DHX8: variants seen among roughly 807,000 people sequenced by gnomAD.
DHX8 encodes the protein DEAH-box helicase 8.
A neutral mutation model predicts 140.7 loss-of-function variants in DHX8; 67 were observed. The ratio of observed to expected loss-of-function variants is 0.48; its 90% CI spans 0.39 to 0.58. The LOEUF (loss-of-function observed/expected upper bound fraction) is 0.58, where lower values mean the gene tolerates loss of function less well. DHX8 is among the 20% of genes least tolerant of loss of function. The probability of loss-of-function intolerance (pLI) is 0.00; values close to 1 mark genes in which losing one functional copy is unlikely to be tolerated. For synonymous variants in DHX8, 533 were observed against 553.2 expected (o/e 0.96, Z 0.51); for missense variants, 887 against 1,550.7 (o/e 0.57, Z 7.19).
Position 43,524,415 on chromosome 17 carries a change from A to C in DHX8, c.*568A>C, listed in dbSNP as rs945626687. 1 of 988,910 alleles carries C rather than the reference A, an allele frequency of 1.0e-6. No homozygotes were observed. Among genetic ancestry groups the C allele is most frequent in the Admixed American group, 5.9e-5 (1 of 16,938 alleles). 61.3% of individuals were successfully genotyped at this position (988,910 alleles called of 1,614,324 possible). On this transcript the variant is annotated 3_prime_UTR_variant, in exon 23 of 23. Transcript: ENST00000262415. ...ATTTAGTATCTGTGCTCTGGCACAC[A>C]TGATGAGAATCCCCTGAATCCCCTG...
chr17:43,532,428 G>A (rs1211535093), intron 2 of DHX8, among the ~76,000 whole-genome samples: 1 of 152,232 alleles, frequency 6.6e-6, no homozygotes, highest in Non-Finnish European at 1.5e-5. Context: ...GAACCCGGTA[G>A]GCAGAGGTTG....
intron 11 of DHX8, 91 bp from the exon 12 acceptor site, chr17:43,504,553 A>T: frequency 1.6e-6 from 2 of 1,277,936 alleles, no homozygotes; most frequent in Non-Finnish European, 1.1e-6. Context: ...GAGATGCTGC[A>T]TGTGCAGTGC....
At chr17:43,493,217 G>A (rs1038694052) in intron 6 of DHX8, among the ~76,000 whole-genome samples, 177 bp downstream of exon 6, 22 of 152,138 alleles carry the variant, frequency 1.4e-4, no homozygotes, top group African/African-American at 3.4e-4. Flanking sequence ...TCCTTTCTCT[G>A]TCTTCAGGAG....
At chr17:43,537,854 C>T (rs1022926398) in intron 3 of DHX8, among the ~76,000 whole-genome samples, 2 of 151,976 alleles carry the variant, frequency 1.3e-5, no homozygotes, top group South Asian at 2.1e-4. Context: ...TTAGGCCGGG[C>T]GCGGTGGCTC....
chr17:43,504,817 T>C lies in DHX8; in HGVS notation c.1720T>C (p.Leu574=). 6.2e-7 allele frequency: 1 copy of C among 1,613,516 alleles called. No individual in the cohort carries two copies. Among genetic ancestry groups the C allele is most frequent in the South Asian group, 1.1e-5 (1 of 90,978 alleles). The change falls in exon 12 of 23, where the codon TTG becomes CTG. Residue 574 remains leucine (L), a synonymous_variant. Transcript: ENST00000262415. ...GCCCATCTACAAACTGAAGGAGCAA[T>C]TGGTCCAGGTGAGAAGACTTTTATG... is the stretch of plus-strand genomic sequence containing the variant. ...SLPIYKLKEQ[L]VQAVHDNQIL...
intron 16 of DHX8, 129 bp downstream of exon 16, chr17:43,508,649 T>G: frequency 1.7e-6 from 1 of 593,760 alleles, no homozygotes; most frequent in East Asian, 3.1e-5. Context: ...CGAGGCAGAG[T>G]CTCGCTCTCA....
chr17:43,529,968 G>A (rs763095269), downstream of DHX8: 2 of 1,614,108 alleles, frequency 1.2e-6, no homozygotes, highest in East Asian at 4.5e-5. Flanking sequence ...GGAGGAAATT[G>A]GGGGTTGCTC....
Position 43,493,033 on chromosome 17 carries a change from G to T in DHX8, c.856G>T (p.Gly286Ter), listed in dbSNP as rs753310286. 1.1e-5 allele frequency: 17 copies of T among 1,612,612 alleles called. No homozygotes were observed. In the Admixed American group the frequency reaches 2.8e-4, roughly 27 times the overall value. ...MQFGCFVQLE[G>*]LRKRWEGLVH... ...GTTTGGTTGCTTTGTGCAGCTGGAA[G>T]GACTAAGGTAATGACTGGTGCTCTT... is the stretch of plus-strand genomic sequence containing the variant. The change falls in exon 6 of 23, where the codon GGA (glycine) becomes TGA (stop). Residue 286 changes from glycine (G) to a stop codon, truncating the protein, a stop_gained. Transcript: ENST00000262415. LOFTEE classifies it high-confidence loss of function.
downstream of DHX8, chr17:43,528,694 A>G: frequency 3.7e-6 from 6 of 1,614,156 alleles, no homozygotes; most frequent in Non-Finnish European, 5.1e-6. Context: ...CAAAGAGAAG[A>G]GGGCCTCGGG....
chr17:43,489,361 AT>A (rs1242935174), intron 1 of DHX8, 87 bp from the exon 2 acceptor site: 6 of 885,074 alleles, frequency 6.8e-6, no homozygotes, highest in Non-Finnish European at 1.1e-5. Flanking sequence ...TTACTGTTGG[AT>A]AACCTAATTA....
chr17:43,520,045 A>G, intron 18 of DHX8, 85 bp from the exon 19 acceptor site: 1 of 1,516,604 alleles, frequency 6.6e-7, no homozygotes, highest in East Asian at 2.3e-5. Context: ...AAGAAATGGG[A>G]AATAAAGTAA....
downstream of DHX8, chr17:43,525,972 T>G (rs1970600628): frequency 1.0e-6 from 1 of 985,158 alleles, no homozygotes; most frequent in Non-Finnish European, 1.2e-6. Flanking sequence ...CTGGCTCAGG[T>G]GGAGGAAAAA....
chr17:43,517,342 T>C lies in DHX8; in HGVS notation c.2799+20T>C. Reference sequence around the variant, plus strand: ...CTCAAGGTAGAAATCACTGTCTTGTTAAAATGGGTTGGTGGAACAGTCCAA... The same window carrying C: ...CTCAAGGTAGAAATCACTGTCTTGTCAAAATGGGTTGGTGGAACAGTCCAA... On this transcript the variant is annotated intron_variant, in intron 18 of 22. Coordinates refer to ENST00000262415, the MANE Select transcript of DHX8 (RefSeq NM_004941.3). 1 of 1,611,366 alleles carries C rather than the reference T, an allele frequency of 6.2e-7. No homozygotes were observed. The highest frequency in any genetic ancestry group is 1.1e-5 in the South Asian group (1 of 90,750).
At chr17:43,492,338 C>G (rs754076800) in intron 5 of DHX8, 46 bp downstream of exon 5, 4 of 1,517,554 alleles carry the variant, frequency 2.6e-6, no homozygotes, top group Middle Eastern at 3.4e-4. Flanking sequence ...GGTACTGTGA[C>G]AGTTGAATAT....
At chr17:43,542,068 T>G (rs1331122451) in intron 3 of DHX8, among the ~76,000 whole-genome samples, 2 of 152,158 alleles carry the variant, frequency 1.3e-5, no homozygotes, top group Non-Finnish European at 2.9e-5. Context: ...GGGTCTTTTT[T>G]TGACCTACAA....
chr17:43,522,265 G>A (rs535164327), intron 22 of DHX8, 39 bp downstream of exon 22: 2 of 1,574,746 alleles, frequency 1.3e-6, no homozygotes, highest in Non-Finnish European at 1.7e-6. Flanking sequence ...GCTTTTCTGG[G>A]CAGAGAAAAA....
At chr17:43,485,643 T>TCA (rs1968095784) in intron 1 of DHX8, among the ~76,000 whole-genome samples, 1 of 152,172 alleles carries the variant, frequency 6.6e-6, no homozygotes, top group African/African-American at 2.4e-5. Context: ...ATTTCTGCTT[T>TCA]CAGGGAGCTT....
chr17:43,533,421 G>C, intron 2 of DHX8: 1 of 1,430,706 alleles, frequency 7.0e-7, no homozygotes, highest in Admixed American at 2.0e-5. Flanking sequence ...TCATTCCTAG[G>C]AAAGCGAGGT....
intron 16 of DHX8, among the ~76,000 whole-genome samples, chr17:43,510,291 G>T (rs1969747198): frequency 6.6e-6 from 1 of 152,070 alleles, no homozygotes; most frequent in South Asian, 2.1e-4. Flanking sequence ...CAGATGATCT[G>T]CCCCCCTCGG....
Sources: allele counts gnomAD v4.1 joint callset (sites outside exome capture counted in the v4.1 genomes callset), GRCh38; gene constraint gnomAD v4.1.1; transcripts MANE v1.5; gene names NCBI Gene and HGNC (gene_info 2026-07-23, HGNC 2026-07-21).